The following ROBO1 variants were observed in gnomAD, a reference collection of about 807,000 sequenced individuals.
The protein encoded by ROBO1 is roundabout guidance receptor 1.
Under a neutral mutation model 195.9 loss-of-function variants are expected in ROBO1, and 149 were observed. The observed-to-expected ratio is 0.76, with a 90% confidence interval of 0.67 to 0.87. ROBO1 has a LOEUF of 0.87. Among genes scored for constraint, ROBO1 ranks in the 40% least tolerant of loss-of-function variants. The pLI is 0.00. For synonymous variants in ROBO1, 816 were observed against 733.2 expected, an observed-to-expected ratio of 1.11 and a Z score of -1.82; for missense variants, 1,933 against 2,068.3, an observed-to-expected ratio of 0.93 and a Z score of 1.27.
intron 1 of ROBO1, among the ~76,000 whole-genome samples, chr3:79,698,938 T>C: frequency 6.6e-6 from 1 of 151,452 alleles, no homozygotes; most frequent in East Asian, 1.9e-4. Flanking sequence ...ACACTTGCCA[T>C]ATTTGATCAC....
intron 8 of ROBO1, among the ~76,000 whole-genome samples, chr3:78,689,322 A>AAT (rs1397345397): frequency 6.6e-6 from 1 of 152,184 alleles, no homozygotes; most frequent in African/African-American, 2.4e-5. Context: ...GTTCAAACAG[A>AAT]ATATATATGG....
chr3:79,067,230 A>T (rs1470495398), intron 3 of ROBO1, among the ~76,000 whole-genome samples: 2 of 151,964 alleles, frequency 1.3e-5, no homozygotes, highest in Non-Finnish European at 2.9e-5. Context: ...AAAAAAGTTG[A>T]TTATTTCGTT....
intron 2 of ROBO1, among the ~76,000 whole-genome samples, chr3:79,385,838 C>T (rs1405678891): frequency 6.6e-6 from 1 of 152,032 alleles, no homozygotes; most frequent in African/African-American, 2.4e-5. Flanking sequence ...TCAAGAAATA[C>T]AAATCTTCAA....
At chr3:78,996,885 T>C (rs985794000) in intron 3 of ROBO1, among the ~76,000 whole-genome samples, 5 of 152,222 alleles carry the variant, frequency 3.3e-5, no homozygotes, top group African/African-American at 1.2e-4. Context: ...GGTGGATTAA[T>C]ACATAAGTAG....
chr3:79,100,073 A>C (rs2108508371), intron 3 of ROBO1, among the ~76,000 whole-genome samples: 1 of 151,898 alleles, frequency 6.6e-6, no homozygotes, highest in East Asian at 1.9e-4. Flanking sequence ...TATATGGCCA[A>C]GACAAAACTT....
rs2084800897 is a variant in ROBO1, at chr3:78,813,327, G to C, written c.500-66427C>G. On this transcript the variant is annotated intron_variant, in intron 4 of 30. Transcript: ENST00000464233. ...TCATAAAGCTTGAAATTCACATCTT[G>C]TCTGAACTTAAAGCTCATGTTTGTA... Among the ~76,000 whole-genome samples the C allele has an allele frequency of 2.6e-5, 4 of 151,900 alleles. No homozygotes were observed. In the South Asian group the frequency reaches 8.3e-4, roughly 31 times the overall value.
At chr3:79,760,103 G>C (rs1053590786) in intron 1 of ROBO1, among the ~76,000 whole-genome samples, 1 of 151,512 alleles carries the variant, frequency 6.6e-6, no homozygotes, top group South Asian at 2.1e-4. Context: ...TGGGTGTGGT[G>C]GTGTGCATCT....
At chr3:78,825,760 A>G (rs917037400) in intron 4 of ROBO1, among the ~76,000 whole-genome samples, 1 of 152,172 alleles carries the variant, frequency 6.6e-6, no homozygotes, top group Non-Finnish European at 1.5e-5. Flanking sequence ...TTGGTTATCA[A>G]GTGCAAAAGT....
At chr3:78,912,390 T>C (rs1013472185) in intron 4 of ROBO1, among the ~76,000 whole-genome samples, 2 of 152,116 alleles carry the variant, frequency 1.3e-5, no homozygotes, top group African/African-American at 4.8e-5. Context: ...CTCCACTCCG[T>C]GAAGACAGAT....
intron 3 of ROBO1, among the ~76,000 whole-genome samples, chr3:79,061,354 A>C (rs1041251977): frequency 5.3e-4 from 80 of 152,188 alleles, no homozygotes; most frequent in African/African-American, 1.8e-3. Flanking sequence ...ATAAAAGAGG[A>C]CACAAACAAA....
At chr3:79,731,817 C>A (rs532160707) in intron 1 of ROBO1, among the ~76,000 whole-genome samples, 1 of 152,198 alleles carries the variant, frequency 6.6e-6, no homozygotes, top group African/African-American at 2.4e-5. Context: ...TGAGAATATA[C>A]AAATCATACC....
At chr3:78,667,014 T>G (rs1707776509) in intron 14 of ROBO1, among the ~76,000 whole-genome samples, 4 of 152,184 alleles carry the variant, frequency 2.6e-5, no homozygotes, top group Admixed American at 2.6e-4. Context: ...CAAGCACATT[T>G]TATTTACAAT....
At chr3:78,869,359 T>C (rs1428926014) in intron 4 of ROBO1, among the ~76,000 whole-genome samples, 1 of 152,196 alleles carries the variant, frequency 6.6e-6, no homozygotes, top group Non-Finnish European at 1.5e-5. Context: ...AAACAATACA[T>C]TTTAAACAAA....
At chr3:79,348,391 T>A (rs13084290) in intron 2 of ROBO1, among the ~76,000 whole-genome samples, 17,446 of 152,104 alleles carry the variant, frequency 0.11, 1,133 homozygotes, top group Middle Eastern at 0.16. Context: ...TGCATGCATT[T>A]GTTTAGCTCC....
intron 3 of ROBO1, among the ~76,000 whole-genome samples, chr3:79,062,912 C>T (rs2078945091): frequency 6.6e-6 from 1 of 151,974 alleles, no homozygotes; most frequent in Non-Finnish European, 1.5e-5. Context: ...AGCAAACCAA[C>T]ATGGTATATG....
chr3:79,198,829 GCTCT>G (rs1243861523), intron 2 of ROBO1, among the ~76,000 whole-genome samples: 1 of 151,370 alleles, frequency 6.6e-6, no homozygotes, highest in Non-Finnish European at 1.5e-5. Context: ...TCATGATTTG[GCTCT>G]CTGTTATTGG....
chr3:79,046,709 C>T (rs577561285), intron 3 of ROBO1, among the ~76,000 whole-genome samples: 264 of 152,094 alleles, frequency 1.7e-3, no homozygotes, highest in Non-Finnish European at 3.0e-3. Context: ...GCATTATGTT[C>T]GCTGGCAGCT....
At chr3:78,816,662 C>T (rs896945102) in intron 4 of ROBO1, among the ~76,000 whole-genome samples, 6 of 152,242 alleles carry the variant, frequency 3.9e-5, no homozygotes, top group African/African-American at 1.4e-4. Flanking sequence ...AAGTTTATTT[C>T]AACCCTCATG....
intron 2 of ROBO1, among the ~76,000 whole-genome samples, chr3:79,249,780 G>A (rs1450000181): frequency 6.6e-6 from 1 of 152,160 alleles, no homozygotes; most frequent in Non-Finnish European, 1.5e-5. Context: ...ACGTATTCTA[G>A]GCACACAGTG....
Sources: gnomAD v4.1 joint callset for allele counts (sites outside exome capture counted in the v4.1 genomes callset) on GRCh38, gnomAD v4.1.1 for gene constraint, MANE v1.5 for transcripts, NCBI Gene and HGNC (gene_info 2026-07-23, HGNC 2026-07-21) for gene names.